The following SPAG16 variants were observed in gnomAD, a reference collection of about 807,000 sequenced individuals.
SPAG16 encodes sperm-associated antigen 16 protein.
A neutral mutation model predicts 80.4 loss-of-function variants in SPAG16; 86 were observed. The ratio of observed to expected loss-of-function variants is 1.07; its 90% CI spans 0.90 to 1.28. The LOEUF (loss-of-function observed/expected upper bound fraction) is 1.28. SPAG16 is among the 50% of genes most tolerant of loss of function. The pLI is 0.00. For synonymous variants in SPAG16, 294 were observed against 265.9 expected (o/e 1.11, Z -1.03); for missense variants, 870 against 765.3 (o/e 1.14, Z -1.61).
chr2:213,783,393 G>C lies in SPAG16; in HGVS notation c.1071-79092G>C, dbSNP rs551326624. The stretch of plus-strand genomic sequence containing the variant: ...TTTGAAGCCTTTTTATATATACCAT[G>C]AGTTATACAGTCAATACATTTTTGA... On this transcript the variant is annotated intron_variant, in intron 10 of 15. Transcript: ENST00000331683. Among the ~76,000 whole-genome samples the C allele has an allele frequency of 2.9e-4, 43 of 149,238 alleles. No individual in the cohort carries two copies. In the South Asian group the frequency reaches 8.3e-3, roughly 29 times the overall value.
chr2:213,968,488 C>T (rs753910460), intron 12 of SPAG16, among the ~76,000 whole-genome samples: 10 of 152,204 alleles, frequency 6.6e-5, no homozygotes, highest in East Asian at 1.9e-4. Context: ...CCACCGTGCC[C>T]GGCCTCAACT....
intron 10 of SPAG16, among the ~76,000 whole-genome samples, chr2:213,668,053 G>T (rs952579841): frequency 6.6e-6 from 1 of 151,940 alleles, no homozygotes; most frequent in Non-Finnish European, 1.5e-5. Context: ...CAATTCTCCT[G>T]CCTCAGCCTC....
chr2:214,236,507 C>T (rs969251083), intron 15 of SPAG16, among the ~76,000 whole-genome samples: 3 of 151,934 alleles, frequency 2.0e-5, no homozygotes, highest in Non-Finnish European at 2.9e-5. Flanking sequence ...CAAAAATTAG[C>T]CGGGCATGGG....
chr2:214,140,401 T>C (rs1413036975), intron 14 of SPAG16, among the ~76,000 whole-genome samples: 9 of 152,076 alleles, frequency 5.9e-5, no homozygotes, highest in Non-Finnish European at 1.3e-4. Context: ...GCTTATCACA[T>C]ACTTCACATA....
intron 14 of SPAG16, among the ~76,000 whole-genome samples, chr2:214,110,525 C>G (rs994022244): frequency 6.6e-6 from 1 of 152,254 alleles, no homozygotes; most frequent in African/African-American, 2.4e-5. Context: ...TTTTCTTAAT[C>G]CAGTCTATGA....
intron 15 of SPAG16, among the ~76,000 whole-genome samples, chr2:214,382,743 A>AAAT (rs1439279752): frequency 6.6e-6 from 1 of 152,186 alleles, no homozygotes; most frequent in African/African-American, 2.4e-5. Flanking sequence ...TTGTGTCTCC[A>AAAT]AATAATTGTT....
intron 8 of SPAG16, among the ~76,000 whole-genome samples, chr2:213,368,972 A>G (rs1575395379): frequency 6.6e-6 from 1 of 152,358 alleles, no homozygotes; most frequent in African/African-American, 2.4e-5. Flanking sequence ...CAATATCATG[A>G]TAATGGCCAT....
At chr2:213,720,165 A>G (rs2066449227) in intron 10 of SPAG16, among the ~76,000 whole-genome samples, 1 of 152,164 alleles carries the variant, frequency 6.6e-6, no homozygotes, top group South Asian at 2.1e-4. Context: ...GGAGGGGAAC[A>G]TCACACACCA....
chr2:214,200,586 T>G (rs2057981544), intron 15 of SPAG16, among the ~76,000 whole-genome samples: 1 of 151,940 alleles, frequency 6.6e-6, no homozygotes, highest in African/African-American at 2.4e-5. Flanking sequence ...GGTGAGAGGA[T>G]TGCTTGAGCC....
intron 10 of SPAG16, among the ~76,000 whole-genome samples, chr2:213,653,298 CT>C (rs1283569753): frequency 2.0e-5 from 3 of 152,012 alleles, no homozygotes; most frequent in Admixed American, 6.6e-5. Flanking sequence ...GATGAATGAA[CT>C]TTTTTCTTCA....
chr2:213,857,545 T>A (rs2075229621), intron 10 of SPAG16, among the ~76,000 whole-genome samples: 1 of 137,860 alleles, frequency 7.3e-6, no homozygotes, highest in Non-Finnish European at 1.6e-5. Context: ...CTTTGAGACC[T>A]ACTGTTCAGA....
intron 13 of SPAG16, among the ~76,000 whole-genome samples, chr2:214,025,752 CT>C (rs1377234651): frequency 6.6e-6 from 1 of 151,320 alleles, no homozygotes; most frequent in Admixed American, 6.6e-5. Flanking sequence ...ATCATGGTGA[CT>C]TTTTTTCAAC....
intron 15 of SPAG16, among the ~76,000 whole-genome samples, chr2:214,199,699 C>T (rs181665859): frequency 6.6e-6 from 1 of 152,126 alleles, no homozygotes; most frequent in African/African-American, 2.4e-5. Flanking sequence ...GCAGTATGGT[C>T]ATTTTCACAA....
chr2:213,994,988 A>C (rs114453300), intron 12 of SPAG16, among the ~76,000 whole-genome samples: 1,586 of 152,296 alleles, frequency 0.01, 31 homozygotes, highest in African/African-American at 0.036. Context: ...AAAAGATTTA[A>C]TTATGGTATT....
At chr2:213,868,676 T>C (rs943982693) in intron 11 of SPAG16, among the ~76,000 whole-genome samples, 4 of 152,164 alleles carry the variant, frequency 2.6e-5, no homozygotes, top group Non-Finnish European at 4.4e-5. Flanking sequence ...TCCTCACATA[T>C]CTCTATAAGT....
At chr2:213,845,228 C>A (rs1310385672) in intron 10 of SPAG16, among the ~76,000 whole-genome samples, 1 of 147,448 alleles carries the variant, frequency 6.8e-6, no homozygotes, top group African/African-American at 2.5e-5. Context: ...GACAGAGTCT[C>A]GCTCTGTTGC....
At chr2:213,624,764 T>C (rs1191364553) in intron 10 of SPAG16, among the ~76,000 whole-genome samples, 1 of 152,204 alleles carries the variant, frequency 6.6e-6, no homozygotes, top group East Asian at 1.9e-4. Context: ...TGCATGATCT[T>C]GGACAAGATA....
intron 9 of SPAG16, among the ~76,000 whole-genome samples, chr2:213,450,682 T>C (rs371095260): frequency 5.3e-5 from 8 of 152,334 alleles, no homozygotes; most frequent in African/African-American, 1.9e-4. Context: ...TTATGATTTT[T>C]AGCATTATGT....
chr2:214,191,131 A>C (rs1040276164), intron 15 of SPAG16, among the ~76,000 whole-genome samples: 1 of 152,096 alleles, frequency 6.6e-6, no homozygotes, highest in Non-Finnish European at 1.5e-5. Flanking sequence ...AGAATTGTAG[A>C]AGAGGAGAAT....
Sources: gnomAD v4.1 joint callset for allele counts (sites outside exome capture counted in the v4.1 genomes callset) on GRCh38, gnomAD v4.1.1 for gene constraint, MANE v1.5 for transcripts, NCBI Gene and HGNC (gene_info 2026-07-23, HGNC 2026-07-21) for gene names.